The following HEPH variants were observed in gnomAD, a reference collection of about 807,000 sequenced individuals.
HEPH encodes hephaestin.
In HEPH, 69 loss-of-function variants were observed where a neutral mutation model predicts 80.8. The observed-to-expected ratio is 0.85, with a 90% confidence interval of 0.70 to 1.04. The LOEUF (loss-of-function observed/expected upper bound fraction) is 1.04. Ranked by LOEUF, HEPH falls within the 50% of genes least tolerant of loss-of-function variation. HEPH has a pLI of 0.00. For synonymous variants in HEPH, 431 were observed against 322.8 expected (o/e 1.34, Z -3.60); for missense variants, 1,115 against 891.3 (o/e 1.25, Z -3.20).
chrX:66,187,459 C>T (rs891492049), intron 4 of HEPH, among the ~76,000 whole-genome samples: 2 of 111,430 alleles, frequency 1.8e-5, no homozygotes, highest in Middle Eastern at 9.2e-3. Context: ...CCCCATCTCT[C>T]CCTCCTTTTT....
At chrX:66,162,812 G>A (rs1158914112), upstream of HEPH, 1 of 1,153,511 alleles carries the variant, frequency 8.7e-7, no homozygotes, top group Non-Finnish European at 1.1e-6. Flanking sequence ...ATTCAGAAGA[G>A]GAAAATGTGC....
At chrX:66,199,077 AT>A (rs1286778623) in intron 11 of HEPH, 49 bp downstream of exon 11, 1 of 1,125,156 alleles carries the variant, frequency 8.9e-7, no homozygotes, top group Non-Finnish European at 1.2e-6. Flanking sequence ...CCCAAGTAAA[AT>A]CTAACTTTAA....
At position 66,178,662 on chromosome X, in the gene HEPH, T is replaced by C. The variant is rs1204225678; in HGVS notation, c.625+4861T>C. 7.1e-5 allele frequency among the ~76,000 whole-genome samples: 8 copies of C among 112,213 alleles called. No individual in the cohort carries two copies. The East Asian group carries it at 2.2e-3, about 31-fold the overall frequency. On this transcript the variant is annotated intron_variant, in intron 4 of 20. Transcript: ENST00000343002. The stretch of plus-strand genomic sequence containing the variant: ...CTAACTGGTGTGGGATGGTATCTCA[T>C]TGTGGTTTTGATTTGCATTTCTCTG...
rs141822439 is a variant in HEPH, at chrX:66,200,565, C to T, written c.1890C>T (p.Asn630=). 2,151 of 1,204,240 alleles carry T rather than the reference C, an allele frequency of 1.8e-3. 2 individuals carry two copies. The highest frequency in any genetic ancestry group is 2.1e-3 in the Non-Finnish European group (1,914 of 892,103). The change falls in exon 12 of 21, where the codon AAC becomes AAT. Residue 630 remains asparagine (N), a synonymous_variant. Transcript: ENST00000343002. ...MHAINGFLFS[N]LPRLDMCKGD... ...CCATTAATGGGTTTCTGTTCTCTAACCTGCCCAGGCTGGACATGTGCAAGG... is the reference window on the plus strand; with the variant it reads ...CCATTAATGGGTTTCTGTTCTCTAATCTGCCCAGGCTGGACATGTGCAAGG...
At chrX:66,263,497 G>T in intron 19 of HEPH, 147 bp from the exon 20 acceptor site, 1 of 526,022 alleles carries the variant, frequency 1.9e-6, no homozygotes, top group Non-Finnish European at 3.2e-6. Context: ...ATATTGACTT[G>T]GACTATAAAG....
At chrX:66,260,390 C>T in intron 19 of HEPH, 128 bp downstream of exon 19, 1 of 487,851 alleles carries the variant, frequency 2.0e-6, no homozygotes, top group Non-Finnish European at 3.4e-6. Flanking sequence ...TAAGGCAGAG[C>T]ATAGCCTCCC....
rs2086634450 is a variant in HEPH at position 66,172,559 on chromosome X, C to T, written c.372C>T (p.Thr124=). Residue 124 remains threonine, a synonymous_variant, in exon 3 of 21, where the codon ACC becomes ACT. Transcript: ENST00000343002. ...HLKNFATRPY[T]IHPHGVFYEK... ...AGAATTTTGCCACTCGTCCCTATAC[C>T]ATCCACCCTCATGGTGTCTTCTACG... 3.3e-6 allele frequency: 4 copies of T among 1,194,660 alleles called. No homozygotes were observed. The Admixed American group carries it at 9.0e-5, about 27-fold the overall frequency.
At position 66,208,202 on chromosome X, in the gene HEPH, G is replaced by T; in HGVS notation, c.2519G>T (p.Gly840Val). 8.3e-7 allele frequency: 1 copy of T among 1,209,444 alleles called. No homozygotes were observed. Among genetic ancestry groups the T allele is most frequent in the Non-Finnish European group, 1.1e-6 (1 of 893,904 alleles). Residue 840 changes from glycine to valine, a missense_variant, in exon 15 of 21, where the codon GGA (glycine) becomes GTA (valine). Physicochemically the swap from Gly to Val is moderately radical, Grantham distance 109 (BLOSUM62 -3). This residue lies in a region of HEPH where 716 missense variants were observed against 523.5 expected (regional missense o/e 1.37). Transcript: ENST00000343002. ...CGCCCCTACTCTGTGCATGCTCATG[G>T]AGTGCTAGAATCTACTACTGTCTGG... ...ASRPYSVHAH[G>V]VLESTTVWPL... is the part of the protein sequence containing the mutation.
Position 66,195,132 on chromosome X carries a change from T to TCAG in HEPH, c.1405_1407dup (p.Gln469dup). ...TCCGGGCTGAGGTGGGTGACACCAT[T>TCAG]CAGGTGGTCTTCTACAACCGTGCCT... On this transcript the variant is annotated inframe_insertion, in exon 9 of 21. Coordinates refer to ENST00000343002, the MANE Select transcript of HEPH (RefSeq NM_001367233.3). 8.3e-7 allele frequency: 1 copy of TCAG among 1,203,690 alleles called. No individual in the cohort carries two copies. The highest frequency in any genetic ancestry group is 1.1e-6 in the Non-Finnish European group (1 of 891,414).
chrX:66,214,253 G>T (rs2089287548), intron 15 of HEPH, among the ~76,000 whole-genome samples: 1 of 112,134 alleles, frequency 8.9e-6, no homozygotes, highest in Non-Finnish European at 1.9e-5. Flanking sequence ...AAGAGATGAT[G>T]GCAGCTTGGA....
intron 4 of HEPH, among the ~76,000 whole-genome samples, chrX:66,187,979 A>G (rs749687837): frequency 8.9e-6 from 1 of 111,875 alleles, no homozygotes; most frequent in Admixed American, 9.5e-5. Context: ...AAGAGTTTAG[A>G]TATGGATAAG....
chrX:66,200,849 C>T (rs779111631), intron 12 of HEPH, 97 bp downstream of exon 12: 1 of 640,979 alleles, frequency 1.6e-6, no homozygotes, highest in African/African-American at 2.2e-5. Context: ...AAATAATAGG[C>T]ATGTTAAGGG....
intron 15 of HEPH, among the ~76,000 whole-genome samples, chrX:66,232,127 C>G (rs2090171433): frequency 9.1e-6 from 1 of 110,150 alleles, no homozygotes; most frequent in African/African-American, 3.3e-5. Context: ...AGGGATGAAG[C>G]CCACTTGATC....
intron 15 of HEPH, among the ~76,000 whole-genome samples, chrX:66,246,723 G>C (rs1034239283): frequency 1.8e-5 from 2 of 111,512 alleles, no homozygotes; most frequent in Non-Finnish European, 3.8e-5. Flanking sequence ...GCTCTTTGCT[G>C]TGCCCATACA....
chrX:66,228,486 A>G (rs1569365412), intron 15 of HEPH, among the ~76,000 whole-genome samples: 1 of 113,204 alleles, frequency 8.8e-6, no homozygotes, highest in East Asian at 2.8e-4. Context: ...AGATTTTATG[A>G]TCAAGAACCC....
chrX:66,230,130 A>G (rs1175714980), intron 15 of HEPH, among the ~76,000 whole-genome samples: 1 of 94,268 alleles, frequency 1.1e-5, no homozygotes, highest in Non-Finnish European at 2.1e-5. Context: ...GCTGCATAGT[A>G]TTCCATGGTG....
intron 18 of HEPH, among the ~76,000 whole-genome samples, chrX:66,259,255 A>G (rs1219733320): frequency 8.9e-6 from 1 of 111,870 alleles, no homozygotes; most frequent in Non-Finnish European, 1.9e-5. Flanking sequence ...TCAGTCAAGG[A>G]CTTGAGACTC....
In HEPH at chrX:66,207,235, G is replaced by T. The variant is rs2088838888; in HGVS notation, c.2332G>T (p.Gly778Cys). 8.3e-7 allele frequency: 1 copy of T among 1,203,116 alleles called. No individual in the cohort carries two copies. The highest frequency in any genetic ancestry group is 1.1e-6 in the Non-Finnish European group (1 of 891,615). The change falls in exon 14 of 21, where the codon GGT becomes TGT. Residue 778 changes from glycine to cysteine, a missense_variant. By Grantham distance (159) the Gly-to-Cys change is radical. Transcript: ENST00000343002. Reference sequence around the variant, plus strand: ...CCTGAGCAACAAGGATGGGCTCCTGGGTTCCAGATACAAGAAAGCTGTATT... The same window carrying T: ...CCTGAGCAACAAGGATGGGCTCCTGTGTTCCAGATACAAGAAAGCTGTATT... Reference protein sequence around the residue: ...IFLSNKDGLLGSRYKKAVFRE... With the variant: ...IFLSNKDGLLCSRYKKAVFRE...
In HEPH at chrX:66,188,790, A is replaced by G. The variant is rs148904675; in HGVS notation, c.808+249A>G. Among the ~76,000 whole-genome samples the G allele has an allele frequency of 8.6e-4, 97 of 112,605 alleles. 1 individual carries two copies. In the East Asian group the frequency reaches 0.014, roughly 17 times the overall value. ...TGACTGCATAGATTGTGCTCTTGCC[A>G]TTAGGCTATTCTGCCTCATAATGTG... On this transcript the variant is annotated intron_variant, in intron 5 of 20. Transcript: ENST00000343002.
Sources: gnomAD v4.1 joint callset for allele counts (sites outside exome capture counted in the v4.1 genomes callset) on GRCh38, gnomAD v4.1.1 for gene constraint, gnomAD v4.1.1 regional missense constraint, MANE v1.5 for transcripts, NCBI Gene and HGNC (gene_info 2026-07-23, HGNC 2026-07-21) for gene names.